Variants in C6orf62 observed in about 807,000 individuals in gnomAD.
C6orf62 encodes chromosome 6 open reading frame 62, also known as uncharacterized protein C6orf62.
C6orf62 carries 16 observed loss-of-function variants against 26.8 expected under a neutral mutation model. That is an observed-to-expected ratio of 0.60 (90% CI 0.40 to 0.91). The LOEUF (loss-of-function observed/expected upper bound fraction) is 0.91. Ranked by LOEUF, C6orf62 falls within the 40% of genes least tolerant of loss-of-function variation. The pLI, the probability that C6orf62 is intolerant of heterozygous loss-of-function variation, is 0.00. For synonymous variants in C6orf62, 112 were observed against 91.5 expected, an observed-to-expected ratio of 1.22 and a Z score of -1.28; for missense variants, 192 against 271.4, an observed-to-expected ratio of 0.71 and a Z score of 2.06.
chr6:24,718,395 C>T, intron 1 of C6orf62, 145 bp downstream of exon 1: 3 of 762,534 alleles, frequency 3.9e-6, no homozygotes, highest in Non-Finnish European at 6.2e-6. Context: ...CAGAATCACC[C>T]CTAAGGGTGA....
chr6:24,720,016 CACCCACCCT>C, upstream of C6orf62: 13 of 765,206 alleles, frequency 1.7e-5, no homozygotes, highest in Non-Finnish European at 2.4e-5. Flanking sequence ...AAAGTAAGCC[CACCCACCCT>C]CCCCCCAAAA....
At chr6:24,710,040 G>A in intron 3 of C6orf62, 1 of 983,534 alleles carries the variant, frequency 1.0e-6, no homozygotes, top group Non-Finnish European at 1.2e-6. Context: ...TATACCATAT[G>A]TAAAATGATA....
Position 24,705,708 on chromosome 6 carries a change from T to A in C6orf62, c.*429A>T, listed in dbSNP as rs1007879740. On this transcript the variant is annotated 3_prime_UTR_variant, in exon 5 of 5. Coordinates refer to ENST00000378119, the MANE Select transcript of C6orf62 (RefSeq NM_030939.5). The stretch of plus-strand genomic sequence containing the variant: ...GTGATTATAGCAAAGTTATTGTTTT[T>A]AAAAATGTTATTTATACCTGTTACA... 1 of 153,650 alleles carries A rather than the reference T, an allele frequency of 6.5e-6. No homozygotes were observed. Among genetic ancestry groups the A allele is most frequent in the Non-Finnish European group, 1.5e-5 (1 of 68,730 alleles). The allele number at this position is 153,650 out of a possible 1,614,324, so 9.5% of individuals were successfully genotyped here.
At chr6:24,719,639 C>T, upstream of C6orf62, 1 of 1,436,710 alleles carries the variant, frequency 7.0e-7, no homozygotes, top group Non-Finnish European at 9.1e-7. Context: ...GGGTTCCCAA[C>T]ACCCCCAGCC....
chr6:24,720,265 A>AGCGGTGGCGGCGGCGGAAGAG, upstream of C6orf62: 1 of 1,294,250 alleles, frequency 7.7e-7, no homozygotes, highest in Non-Finnish European at 9.7e-7. Flanking sequence ...CTGCGGGCGG[A>AGCGGTGGCGGCGGCGGAAGAG]GCGGTGGCGG....
chr6:24,709,880 G>A, intron 3 of C6orf62: 5 of 965,890 alleles, frequency 5.2e-6, no homozygotes, highest in Non-Finnish European at 6.2e-6. Flanking sequence ...ATAATTGTTA[G>A]TCCATTTTGG....
upstream of C6orf62, chr6:24,720,011 A>ATGGGGGGGG: frequency 1.7e-5 from 26 of 1,501,960 alleles, no homozygotes; most frequent in Non-Finnish European, 2.1e-5. Context: ...CTTCTAAAGT[A>ATGGGGGGGG]AGCCCACCCA....
At position 24,709,786 on chromosome 6, in the gene C6orf62, C is replaced by T. The variant is rs1194650429; in HGVS notation, c.430-875G>A. On this transcript the variant is annotated intron_variant, in intron 3 of 4. Transcript: ENST00000378119. ...GTTGGGCATGGTGAGACACCAAATG[C>T]TACATGACATGACCAGGCTTGATGG... is the stretch of plus-strand genomic sequence containing the variant. 8 of 985,302 alleles carry T rather than the reference C, an allele frequency of 8.1e-6. No individual in the cohort carries two copies. In the East Asian group the frequency reaches 9.1e-4, roughly 112 times the overall value. The allele number at this position is 985,302 out of a possible 1,614,324, so 61.0% of individuals were successfully genotyped here.
At chr6:24,719,480 A>C, upstream of C6orf62, 2 of 1,101,558 alleles carry the variant, frequency 1.8e-6, no homozygotes, top group Non-Finnish European at 2.2e-6. Context: ...AAAACAGCGG[A>C]GTCATTACCA....
In C6orf62 at chr6:24,705,362, ACC is replaced by A. The variant is rs1778987455; in HGVS notation, c.*773_*774del. On this transcript the variant is annotated 3_prime_UTR_variant, in exon 5 of 5. Coordinates refer to ENST00000378119, the MANE Select transcript of C6orf62 (RefSeq NM_030939.5). ...AACAAAACCAAAAGAAAAGTCCTCT[ACC>A]TATCATGGTTTCTGCAGCTATGCAT... is the stretch of plus-strand genomic sequence containing the variant. The A allele has an allele frequency of 6.6e-6, 1 of 152,628 alleles. No homozygotes were observed. The highest frequency in any genetic ancestry group is 1.5e-5 in the Non-Finnish European group (1 of 68,038). 9.5% of individuals were successfully genotyped at this position (152,628 alleles called of 1,614,324 possible). A position where few individuals can be genotyped will look rare whatever the true frequency, so the allele number is the denominator to read the frequency against.
intron 2 of C6orf62, 114 bp from the exon 3 acceptor site, chr6:24,714,554 CCATAT>C (rs1779187379): frequency 3.0e-6 from 2 of 660,042 alleles, no homozygotes; most frequent in Admixed American, 6.1e-5. Context: ...AAAAGATCTA[CCATAT>C]ATCATTTTAT....
At chr6:24,712,114 G>A (rs751781268) in intron 3 of C6orf62, among the ~76,000 whole-genome samples, 3 of 152,130 alleles carry the variant, frequency 2.0e-5, no homozygotes, top group Non-Finnish European at 4.4e-5. Context: ...GCCAAGTGTG[G>A]TGGCTCATAC....
At chr6:24,717,386 T>A (rs967804353) in intron 1 of C6orf62, among the ~76,000 whole-genome samples, 1 of 152,350 alleles carries the variant, frequency 6.6e-6, no homozygotes, top group South Asian at 2.1e-4. Flanking sequence ...GAGATGTAAG[T>A]CCTTGATACC....
intron 4 of C6orf62, among the ~76,000 whole-genome samples, chr6:24,707,356 G>T (rs1217442972): frequency 6.6e-6 from 1 of 151,604 alleles, no homozygotes; most frequent in African/African-American, 2.4e-5. Context: ...ATTTGTTGTT[G>T]GCGGTGTTTT....
chr6:24,707,141 T>C (rs1398559377), intron 4 of C6orf62: 2 of 152,212 alleles, frequency 1.3e-5, no homozygotes, highest in Non-Finnish European at 2.9e-5. Context: ...AACCTATACA[T>C]ATGTAATATA....
At chr6:24,715,547 T>G (rs1207811021) in intron 2 of C6orf62, among the ~76,000 whole-genome samples, 12 of 152,142 alleles carry the variant, frequency 7.9e-5, no homozygotes, top group Admixed American at 7.9e-4. Flanking sequence ...CTTAAATTAT[T>G]AAAAACAGTT....
chr6:24,709,827 T>C (rs1234666912), intron 3 of C6orf62: 32 of 985,330 alleles, frequency 3.2e-5, no homozygotes, highest in South Asian at 4.7e-5. Flanking sequence ...TCAAGAAACC[T>C]AGATTTAACA....
At chr6:24,720,299 G>A, upstream of C6orf62, 1 of 1,297,438 alleles carries the variant, frequency 7.7e-7, no homozygotes, top group Middle Eastern at 2.9e-4. Context: ...GGCGGCGGCG[G>A]GGGCGCTGCT....
At chr6:24,709,489 C>T (rs2127632871) in intron 3 of C6orf62, 1 of 939,192 alleles carries the variant, frequency 1.1e-6, no homozygotes, top group Non-Finnish European at 1.2e-6. Flanking sequence ...ATGCAAATCC[C>T]TTAAACTTCA....
Sources: gnomAD v4.1 joint callset for allele counts (sites outside exome capture counted in the v4.1 genomes callset) on GRCh38, gnomAD v4.1.1 for gene constraint, MANE v1.5 for transcripts, NCBI Gene and HGNC (gene_info 2026-07-23, HGNC 2026-07-21) for gene names.